The following CLEC16A variants were observed in gnomAD, a reference collection of about 807,000 sequenced individuals.
CLEC16A encodes protein CLEC16A.
In CLEC16A, 51 loss-of-function variants were observed where a neutral mutation model predicts 109.5. That is an observed-to-expected ratio of 0.47 (90% CI 0.37 to 0.59). The LOEUF (loss-of-function observed/expected upper bound fraction) is 0.59, where lower values mean the gene tolerates loss of function less well. Ranked by LOEUF, CLEC16A falls within the 20% of genes least tolerant of loss-of-function variation. The probability of loss-of-function intolerance (pLI) is 0.00; values close to 1 mark genes in which losing one functional copy is unlikely to be tolerated. For missense variants in CLEC16A, 1,339 were observed against 1,394.0 expected, an observed-to-expected ratio of 0.96 and a Z score of 0.63; for synonymous variants, 673 against 564.2, an observed-to-expected ratio of 1.19 and a Z score of -2.73.
intron 18 of CLEC16A, among the ~76,000 whole-genome samples, chr16:11,052,179 G>C (rs151124254): frequency 6.6e-6 from 1 of 152,172 alleles, no homozygotes; most frequent in South Asian, 2.1e-4. Flanking sequence ...CTTTTTTTCC[G>C]AAGCAGGTAC....
intron 1 of CLEC16A, among the ~76,000 whole-genome samples, chr16:10,953,976 C>CAAAAAA (rs55810681): frequency 2.1e-5 from 3 of 145,594 alleles, no homozygotes; most frequent in African/African-American, 5.1e-5. Context: ...GACTCCGTCT[C>CAAAAAA]AAAAAAAAAA....
intron 10 of CLEC16A, among the ~76,000 whole-genome samples, chr16:11,002,087 C>T (rs1032377727): frequency 1.3e-5 from 2 of 152,148 alleles, no homozygotes; most frequent in African/African-American, 4.8e-5. Context: ...GTGGCTGGTA[C>T]GTGGTTTTGA....
At chr16:11,162,525 A>G (rs1385560331) in intron 22 of CLEC16A, among the ~76,000 whole-genome samples, 1 of 152,246 alleles carries the variant, frequency 6.6e-6, no homozygotes, top group African/African-American at 2.4e-5. Context: ...CAGTACAACT[A>G]CCTGCTTCTC....
Position 10,964,786 on chromosome 16 carries a change from A to G in CLEC16A, c.343+2198A>G, listed in dbSNP as rs145296284. 4.5e-3 allele frequency among the ~76,000 whole-genome samples: 689 copies of G among 152,334 alleles called. 5 individuals carry two copies. The highest frequency in any genetic ancestry group is 0.031 in the Middle Eastern group (9 of 294). ...GTGTACAACTTGATTTAATATATAC[A>G]TATACACAAAAAAATGTGTACATTG... On this transcript the variant is annotated intron_variant, in intron 3 of 23. Transcript: ENST00000409790.
chr16:11,145,634 GTGGGTGGGGCTGTGCC>G (rs2054020693), intron 22 of CLEC16A, among the ~76,000 whole-genome samples: 1 of 152,272 alleles, frequency 6.6e-6, no homozygotes, highest in Non-Finnish European at 1.5e-5. Flanking sequence ...ACGTTACCAA[GTGGGTGGGGCTGTGCC>G]CCCATCAGTC....
chr16:11,111,575 G>A (rs866471898), intron 19 of CLEC16A, among the ~76,000 whole-genome samples: 15 of 152,206 alleles, frequency 9.9e-5, no homozygotes, highest in South Asian at 2.1e-4. Flanking sequence ...GAACATGTAG[G>A]TAAGAAATAT....
At chr16:11,139,332 C>T (rs2053714927) in intron 22 of CLEC16A, among the ~76,000 whole-genome samples, 1 of 152,230 alleles carries the variant, frequency 6.6e-6, no homozygotes, top group African/African-American at 2.4e-5. Flanking sequence ...CAGCTTTCTA[C>T]ACTTCTTTTC....
chr16:10,953,620 C>T (rs112480456), intron 1 of CLEC16A, among the ~76,000 whole-genome samples: 114 of 152,224 alleles, frequency 7.5e-4, no homozygotes, highest in African/African-American at 2.7e-3. Context: ...TATTTATCTC[C>T]AGTAAAGGGT....
chr16:11,062,915 G>GA (rs2048563575), intron 19 of CLEC16A, among the ~76,000 whole-genome samples: 1 of 151,174 alleles, frequency 6.6e-6, no homozygotes, highest in African/African-American at 2.4e-5. Context: ...GGGCAGTGGG[G>GA]AGGGGGCACT....
At chr16:11,153,408 G>T (rs2054373437) in intron 22 of CLEC16A, among the ~76,000 whole-genome samples, 1 of 151,946 alleles carries the variant, frequency 6.6e-6, no homozygotes, top group Admixed American at 6.6e-5. Context: ...CAGCTTTAGG[G>T]TCATGTCCAG....
chr16:11,119,733 G>C (rs1026020422), intron 19 of CLEC16A, among the ~76,000 whole-genome samples: 4 of 152,034 alleles, frequency 2.6e-5, no homozygotes. Context: ...GGCTCTTTGG[G>C]CTCTTTTTTG....
intron 19 of CLEC16A, among the ~76,000 whole-genome samples, chr16:11,094,899 T>C (rs1404664247): frequency 6.6e-6 from 1 of 152,186 alleles, no homozygotes; most frequent in African/African-American, 2.4e-5. Flanking sequence ...AAGCACATAA[T>C]GGAAAAAGTT....
At chr16:11,043,590 C>T (rs887156354) in intron 15 of CLEC16A, among the ~76,000 whole-genome samples, 1 of 152,140 alleles carries the variant, frequency 6.6e-6, no homozygotes, top group African/African-American at 2.4e-5. Context: ...ATAGGCCAGG[C>T]ATGGTGGCTC....
At chr16:11,010,155 A>T (rs559096567) in intron 11 of CLEC16A, among the ~76,000 whole-genome samples, 122 of 43,356 alleles carry the variant, frequency 2.8e-3, no homozygotes, top group African/African-American at 0.023. Context: ...TTGTTTCTTA[A>T]AAAAAAAGAA....
At chr16:11,020,167 A>G (rs1471334930) in intron 11 of CLEC16A, 26 bp from the exon 12 acceptor site, 4 of 1,599,108 alleles carry the variant, frequency 2.5e-6, no homozygotes, top group Non-Finnish European at 3.4e-6. Flanking sequence ...GTCTGGACTC[A>G]TCCCAGTCTC....
chr16:11,037,527 A>G (rs981210074), intron 13 of CLEC16A, among the ~76,000 whole-genome samples: 1 of 152,222 alleles, frequency 6.6e-6, no homozygotes, highest in African/African-American at 2.4e-5. Flanking sequence ...AGCTTGCCCC[A>G]GATTTCCTCA....
At chr16:11,156,974 C>A in intron 22 of CLEC16A, 1 of 815,478 alleles carries the variant, frequency 1.2e-6, no homozygotes, top group South Asian at 1.9e-5. Context: ...CTTGGCAGCC[C>A]TCACAGGCAG....
chr16:11,128,184 G>A (rs938238341), intron 22 of CLEC16A, among the ~76,000 whole-genome samples: 1 of 152,208 alleles, frequency 6.6e-6, no homozygotes, highest in African/African-American at 2.4e-5. Flanking sequence ...GAGCCCTTTT[G>A]GAACAAGGTA....
chr16:11,067,921 G>T (rs1449130213), intron 19 of CLEC16A, among the ~76,000 whole-genome samples: 1 of 152,174 alleles, frequency 6.6e-6, no homozygotes, highest in Non-Finnish European at 1.5e-5. Context: ...TCTCCAAACC[G>T]TCGTACCTTT....
Sources: allele counts gnomAD v4.1 joint callset (sites outside exome capture counted in the v4.1 genomes callset), GRCh38; gene constraint gnomAD v4.1.1; transcripts MANE v1.5; gene names NCBI Gene and HGNC (gene_info 2026-07-23, HGNC 2026-07-21).